The following NLGN3 variants were observed in gnomAD, a reference collection of about 807,000 sequenced individuals.
NLGN3 encodes the protein neuroligin-3.
Under a neutral mutation model 42.9 loss-of-function variants are expected in NLGN3, and 11 were observed. The observed-to-expected ratio is 0.26, with a 90% CI of 0.16 to 0.42. The LOEUF is 0.42. NLGN3 is among the 10% of genes least tolerant of loss of function. The pLI, the probability that NLGN3 is intolerant of heterozygous loss-of-function variation, is 1.00. For missense variants in NLGN3, 374 were observed against 733.8 expected (o/e 0.51, Z 5.67); for synonymous variants, 279 against 312.7 (o/e 0.89, Z 1.14).
At chrX:71,148,300 ATCTG>A (rs1349523860) in intron 2 of NLGN3, 94 bp downstream of exon 2, 21 of 710,328 alleles carry the variant, frequency 3.0e-5, no homozygotes, top group Admixed American at 2.4e-4. Flanking sequence ...TGCAGCATGC[ATCTG>A]TCTGTCTGTG....
chrX:71,167,829 T>C, intron 7 of NLGN3, 29 bp downstream of exon 7: 1 of 1,150,125 alleles, frequency 8.7e-7, no homozygotes, highest in Non-Finnish European at 1.2e-6. Context: ...TTTTTTCCTC[T>C]TTGAGACCCC....
chrX:71,153,611 C>CGTCT (rs746159186), intron 4 of NLGN3, 75 bp downstream of exon 4: 31 of 914,816 alleles, frequency 3.4e-5, no homozygotes, highest in Admixed American at 1.5e-4. Flanking sequence ...GGAGAAGCCC[C>CGTCT]GTCTGTCTGT....
chrX:71,168,830 AAAG>A (rs748923892), intron 7 of NLGN3, among the ~76,000 whole-genome samples: 1 of 70,142 alleles, frequency 1.4e-5, no homozygotes, highest in Non-Finnish European at 2.5e-5. Context: ...AAAAAGAAAG[AAAG>A]AAAGAAAGAA....
chrX:71,161,651 G>A (rs1374927676), intron 5 of NLGN3, among the ~76,000 whole-genome samples: 6 of 110,868 alleles, frequency 5.4e-5, no homozygotes, highest in African/African-American at 2.0e-4. Flanking sequence ...GCAGGCACCT[G>A]TAATCCCAGC....
At chrX:71,145,912 A>C (rs1190198671) in intron 1 of NLGN3, among the ~76,000 whole-genome samples, 2 of 95,193 alleles carry the variant, frequency 2.1e-5, no homozygotes, top group Admixed American at 1.2e-4. Context: ...GCTGCGGACT[A>C]TGCCCCCCCC....
intron 4 of NLGN3, among the ~76,000 whole-genome samples, chrX:71,154,064 G>C (rs1214180743): frequency 1.8e-5 from 2 of 112,176 alleles, no homozygotes; most frequent in African/African-American, 6.5e-5. Flanking sequence ...CTAGAAAAGA[G>C]AGAGATGGTC....
chrX:71,172,627 C>CGTGTGTGTGTGTGTGTGT (rs59876964), downstream of NLGN3, among the ~76,000 whole-genome samples: 2 of 100,525 alleles, frequency 2.0e-5, no homozygotes, highest in African/African-American at 3.7e-5. Flanking sequence ...TGTGTGCATG[C>CGTGTGTGTGTGTGTGTGT]GTGTGTGTGT....
intron 5 of NLGN3, among the ~76,000 whole-genome samples, chrX:71,158,648 G>A (rs1183763104): frequency 2.7e-5 from 3 of 111,268 alleles, no homozygotes; most frequent in Non-Finnish European, 5.7e-5. Flanking sequence ...AAGAGGGAGA[G>A]AAAGAGGAGA....
At chrX:71,148,948 G>C in intron 3 of NLGN3, 43 bp downstream of exon 3, 4 of 834,103 alleles carry the variant, frequency 4.8e-6, no homozygotes, top group Non-Finnish European at 6.5e-6. Flanking sequence ...GAGAGAGGGA[G>C]GGCTGCCTGC....
At chrX:71,153,384 G>A in intron 3 of NLGN3, 93 bp from the exon 4 acceptor site, 1 of 934,815 alleles carries the variant, frequency 1.1e-6, no homozygotes, top group Non-Finnish European at 1.5e-6. Context: ...GAGCTGGCTT[G>A]CTGGGCCACA....
At chrX:71,169,124 G>A in intron 7 of NLGN3, 130 bp from the exon 8 acceptor site, 1 of 746,682 alleles carries the variant, frequency 1.3e-6, no homozygotes, top group Non-Finnish European at 2.0e-6. Flanking sequence ...CAGAGCAGGG[G>A]ACCCTGAAAA....
intron 6 of NLGN3, among the ~76,000 whole-genome samples, chrX:71,166,723 C>T (rs898766327): frequency 1.3e-4 from 15 of 111,675 alleles, no homozygotes; most frequent in African/African-American, 1.6e-4. Context: ...TAAAGAGAGG[C>T]GGCATAAGGG....
intron 5 of NLGN3, among the ~76,000 whole-genome samples, chrX:71,159,996 A>G (rs888001306): frequency 2.0e-5 from 2 of 102,366 alleles, no homozygotes; most frequent in Non-Finnish European, 4.0e-5. Flanking sequence ...TCAGCCTTCC[A>G]AAGTGCTGGG....
At chrX:71,166,661 C>A (rs750889349) in intron 6 of NLGN3, among the ~76,000 whole-genome samples, 51 of 111,575 alleles carry the variant, frequency 4.6e-4, no homozygotes, top group Non-Finnish European at 3.4e-4. Flanking sequence ...GGTGCGCTGG[C>A]ACGGAGCTGG....
intron 4 of NLGN3, among the ~76,000 whole-genome samples, chrX:71,154,704 C>T (rs1484301270): frequency 8.9e-6 from 1 of 111,771 alleles, no homozygotes; most frequent in African/African-American, 3.3e-5. Context: ...CTCCCTGTGC[C>T]ACCCCTTATT....
At chrX:71,171,284 C>A, downstream of NLGN3, 1 of 598,711 alleles carries the variant, frequency 1.7e-6, no homozygotes, top group Non-Finnish European at 2.0e-6. Flanking sequence ...AATCAGGCAG[C>A]CTCCCCCTGC....
rs750131421 is a variant in NLGN3 at position 71,167,111 on chromosome X, G to A, written c.1014G>A (p.Val338=). The A allele has an allele frequency of 8.3e-7, 1 of 1,210,294 alleles. No homozygotes were observed. The highest frequency in any genetic ancestry group is 1.7e-5 in the African/African-American group (1 of 57,201). The change falls in exon 7 of 8, where the codon GTG becomes GTA. Residue 338 remains valine, a synonymous_variant. Coordinates refer to ENST00000358741, the MANE Select transcript of NLGN3 (RefSeq NM_181303.2). The stretch of plus-strand genomic sequence containing the variant: ...ACACCAGCCTGCTGGCAGACAAAGT[G>A]GGCTGTAATGTGCTGGACACCGTGG... ...VKYTSLLADK[V]GCNVLDTVDM... is the part of the protein sequence containing the mutation.
intron 4 of NLGN3, among the ~76,000 whole-genome samples, chrX:71,154,091 C>T (rs1028524543): frequency 8.9e-6 from 1 of 112,426 alleles, no homozygotes; most frequent in Non-Finnish European, 1.9e-5. Context: ...CTAGGGGCTG[C>T]AGTAGGTACA....
chrX:71,155,094 A>G, intron 4 of NLGN3, 120 bp from the exon 5 acceptor site: 1 of 787,782 alleles, frequency 1.3e-6, no homozygotes. Flanking sequence ...GCCCTCAGGG[A>G]TGGCGGTGGT....
Sources: gnomAD v4.1 joint callset for allele counts (sites outside exome capture counted in the v4.1 genomes callset) on GRCh38, gnomAD v4.1.1 for gene constraint, MANE v1.5 for transcripts, NCBI Gene and HGNC (gene_info 2026-07-23, HGNC 2026-07-21) for gene names.